The following ADAM7 variants were observed in gnomAD, a reference collection of about 807,000 sequenced individuals.
ADAM7 encodes ADAM metallopeptidase domain 7.
In ADAM7, 97 loss-of-function variants were observed where a neutral mutation model predicts 102.9. The ratio of observed to expected loss-of-function variants is 0.94; its 90% CI spans 0.80 to 1.12. ADAM7 has a LOEUF of 1.12. ADAM7 is among the 50% of genes most tolerant of loss of function. The probability of loss-of-function intolerance (pLI) is 0.00; values close to 1 mark genes in which losing one functional copy is unlikely to be tolerated. For missense variants in ADAM7, 991 were observed against 908.7 expected, an observed-to-expected ratio of 1.09 and a Z score of -1.16; for synonymous variants, 334 against 304.4, an observed-to-expected ratio of 1.10 and a Z score of -1.01.
At chr8:24,453,701 C>T (rs908665042) in intron 3 of ADAM7, among the ~76,000 whole-genome samples, 6 of 152,208 alleles carry the variant, frequency 3.9e-5, no homozygotes, top group Non-Finnish European at 8.8e-5. Context: ...TGAGGAACTG[C>T]GTTCCTTTGG....
chr8:24,470,286 T>C (rs1193404726), intron 7 of ADAM7, among the ~76,000 whole-genome samples: 2 of 152,126 alleles, frequency 1.3e-5, no homozygotes, highest in Non-Finnish European at 2.9e-5. Flanking sequence ...AAGGATAATA[T>C]ATTCGGAGAA....
chr8:24,482,904 A>AT (rs1820009748), intron 9 of ADAM7, among the ~76,000 whole-genome samples: 1 of 152,124 alleles, frequency 6.6e-6, no homozygotes, highest in Non-Finnish European at 1.5e-5. Context: ...TCCATGTTAC[A>AT]TTTTTTATCA....
chr8:24,489,599 T>C (rs1820269670), intron 12 of ADAM7, among the ~76,000 whole-genome samples: 1 of 152,146 alleles, frequency 6.6e-6, no homozygotes, highest in Non-Finnish European at 1.5e-5. Flanking sequence ...TTGGTTCTGC[T>C]TGTGACAAGG....
chr8:24,464,333 A>G (rs1819352477), intron 4 of ADAM7, among the ~76,000 whole-genome samples: 1 of 152,158 alleles, frequency 6.6e-6, no homozygotes. Flanking sequence ...TAAAATCTCC[A>G]TTAATTGATC....
chr8:24,481,365 C>T (rs1212743640), intron 8 of ADAM7, among the ~76,000 whole-genome samples: 1 of 152,124 alleles, frequency 6.6e-6, no homozygotes, highest in Non-Finnish European at 1.5e-5. Flanking sequence ...TGCCTAGTAA[C>T]ATTGTATGAA....
At chr8:24,458,197 C>T (rs546842593) in intron 3 of ADAM7, among the ~76,000 whole-genome samples, 1 of 152,238 alleles carries the variant, frequency 6.6e-6, no homozygotes, top group Admixed American at 6.5e-5. Context: ...TAGAGTCACC[C>T]TGGCAATTTC....
At chr8:24,457,980 T>C (rs988052547) in intron 3 of ADAM7, among the ~76,000 whole-genome samples, 4 of 152,148 alleles carry the variant, frequency 2.6e-5, no homozygotes, top group African/African-American at 7.2e-5. Context: ...TCTGGTGCTA[T>C]TGGATTACTT....
intron 20 of ADAM7, 76 bp from the exon 21 acceptor site, chr8:24,507,404 T>C (rs1483827867): frequency 1.7e-6 from 2 of 1,176,828 alleles, no homozygotes; most frequent in Admixed American, 3.4e-5. Context: ...TGTGTGCACA[T>C]GCATGTCTGT....
At chr8:24,463,663 A>G (rs1254190069) in intron 3 of ADAM7, among the ~76,000 whole-genome samples, 1 of 152,160 alleles carries the variant, frequency 6.6e-6, no homozygotes, top group East Asian at 1.9e-4. Flanking sequence ...AAACTGCCAG[A>G]ATCTATTTTC....
At chr8:24,508,436 C>A in intron 21 of ADAM7, 110 bp from the exon 22 acceptor site, 2 of 1,119,892 alleles carry the variant, frequency 1.8e-6, no homozygotes, top group Non-Finnish European at 2.7e-6. Flanking sequence ...TGTAGGACTA[C>A]AGAACACAGA....
At chr8:24,450,677 C>T (rs1022452422) in intron 3 of ADAM7, among the ~76,000 whole-genome samples, 1 of 151,880 alleles carries the variant, frequency 6.6e-6, no homozygotes, top group African/African-American at 2.4e-5. Context: ...CCAGAACTTC[C>T]AACACTATGT....
chr8:24,452,557 A>G (rs976920713), intron 3 of ADAM7, among the ~76,000 whole-genome samples: 2 of 151,312 alleles, frequency 1.3e-5, no homozygotes. Context: ...TGCACGTGAG[A>G]TGGGTTTCCT....
At chr8:24,491,684 C>G (rs1199919612) in intron 13 of ADAM7, among the ~76,000 whole-genome samples, 1 of 152,120 alleles carries the variant, frequency 6.6e-6, no homozygotes, top group Non-Finnish European at 1.5e-5. Context: ...CCTAAGGCTG[C>G]TGTAATACCA....
intron 15 of ADAM7, 148 bp from the exon 16 acceptor site, chr8:24,492,895 C>T (rs1262688568): frequency 2.7e-6 from 2 of 742,534 alleles, no homozygotes; most frequent in South Asian, 2.5e-5. Context: ...CAAGACTTTG[C>T]TCAGTGGTTT....
chr8:24,466,772 T>A (rs536229556), intron 5 of ADAM7, 27 bp from the exon 6 acceptor site: 2 of 1,598,826 alleles, frequency 1.3e-6, no homozygotes, highest in South Asian at 2.3e-5. Flanking sequence ...AGGCCTTGAA[T>A]ACAAATTGTG....
At chr8:24,502,313 A>G (rs1237176964) in intron 20 of ADAM7, among the ~76,000 whole-genome samples, 5 of 152,116 alleles carry the variant, frequency 3.3e-5, no homozygotes, top group Non-Finnish European at 5.9e-5. Flanking sequence ...TCTGTTTGAA[A>G]AGAAGAAAAA....
At chr8:24,470,096 A>G (rs1819555547) in intron 7 of ADAM7, among the ~76,000 whole-genome samples, 1 of 152,172 alleles carries the variant, frequency 6.6e-6, no homozygotes, top group South Asian at 2.1e-4. Flanking sequence ...AAATTTCTGA[A>G]TATCAAAGAC....
chr8:24,447,937 A>AACACACACACACACAC (rs55836403), intron 3 of ADAM7, among the ~76,000 whole-genome samples: 1 of 140,590 alleles, frequency 7.1e-6, no homozygotes, highest in South Asian at 2.5e-4. Context: ...TAAATAACAA[A>AACACACACACACACAC]ACACACACAC....
At chr8:24,442,854 C>T (rs1818421918) in intron 2 of ADAM7, among the ~76,000 whole-genome samples, 1 of 152,130 alleles carries the variant, frequency 6.6e-6, no homozygotes, top group Non-Finnish European at 1.5e-5. Context: ...CTCATTTGTT[C>T]TGAGCCGGTG....
Sources: gnomAD v4.1 joint callset for allele counts (sites outside exome capture counted in the v4.1 genomes callset) on GRCh38, gnomAD v4.1.1 for gene constraint, MANE v1.5 for transcripts, NCBI Gene and HGNC (gene_info 2026-07-23, HGNC 2026-07-21) for gene names.